Variants in TMEM38B observed in about 807,000 individuals in gnomAD.
TMEM38B encodes the protein trimeric intracellular cation channel type B.
In TMEM38B, 24 loss-of-function variants were observed where a neutral mutation model predicts 28.7. The observed-to-expected ratio is 0.84, with a 90% CI of 0.61 to 1.18. The LOEUF is 1.18. TMEM38B is among the 50% of genes most tolerant of loss of function. The pLI is 0.00. For synonymous variants in TMEM38B, 131 were observed against 127.7 expected, an observed-to-expected ratio of 1.03 and a Z score of -0.17; for missense variants, 380 against 350.9, an observed-to-expected ratio of 1.08 and a Z score of -0.66.
At chr9:105,724,911 A>G (rs1035674628) in intron 4 of TMEM38B, among the ~76,000 whole-genome samples, 3 of 152,132 alleles carry the variant, frequency 2.0e-5, no homozygotes, top group Non-Finnish European at 4.4e-5. Flanking sequence ...TACTTTGTTC[A>G]GAAACCTTGC....
chr9:105,705,986 C>T (rs905837288), intron 2 of TMEM38B, among the ~76,000 whole-genome samples: 3 of 151,696 alleles, frequency 2.0e-5, no homozygotes, highest in Non-Finnish European at 4.4e-5. Flanking sequence ...CTGCAACCTC[C>T]ACCTCCTGGG....
chr9:105,731,124 TCTTG>T (rs1349765523), intron 4 of TMEM38B, among the ~76,000 whole-genome samples: 4 of 152,056 alleles, frequency 2.6e-5, no homozygotes, highest in African/African-American at 9.7e-5. Flanking sequence ...ATGTGTTTGC[TCTTG>T]CTTCTCTAAT....
chr9:105,749,695 C>T (rs1181406026), intron 5 of TMEM38B, among the ~76,000 whole-genome samples: 2 of 152,168 alleles, frequency 1.3e-5, no homozygotes, highest in Non-Finnish European at 2.9e-5. Context: ...AAAGAAACAT[C>T]GTATTCTTTA....
At chr9:105,741,428 T>A (rs147854360) in intron 4 of TMEM38B, among the ~76,000 whole-genome samples, 1 of 152,318 alleles carries the variant, frequency 6.6e-6, no homozygotes, top group Non-Finnish European at 1.5e-5. Flanking sequence ...GAGGAGCATA[T>A]TAGAGCCTAT....
In TMEM38B at chr9:105,710,675, T is replaced by G. The variant is rs377201817; in HGVS notation, c.269+4922T>G. 5.7e-6 allele frequency: 4 copies of G among 702,172 alleles called. No homozygotes were observed. In the Admixed American group the frequency reaches 7.1e-5, roughly 12 times the overall value. The allele number at this position is 702,172 out of a possible 1,614,324, so 43.5% of individuals were successfully genotyped here. On this transcript the variant is annotated intron_variant, in intron 2 of 5. Transcript: ENST00000374692. The stretch of plus-strand genomic sequence containing the variant: ...TCAAGTGGAACATACACATCAACTA[T>G]AGGATCATAACGACCAAATTCACAC...
intron 4 of TMEM38B, among the ~76,000 whole-genome samples, chr9:105,736,951 C>T (rs999780124): frequency 1.3e-5 from 2 of 152,152 alleles, no homozygotes; most frequent in Admixed American, 1.3e-4. Context: ...TTGTTAGGAT[C>T]CTCAGTTGCA....
At chr9:105,753,945 G>A (rs1837744580) in intron 5 of TMEM38B, among the ~76,000 whole-genome samples, 1 of 152,072 alleles carries the variant, frequency 6.6e-6, no homozygotes, top group African/African-American at 2.4e-5. Flanking sequence ...GACACACATA[G>A]GCTCAAAATA....
chr9:105,764,245 G>A (rs1838176108), intron 5 of TMEM38B, among the ~76,000 whole-genome samples: 1 of 152,178 alleles, frequency 6.6e-6, no homozygotes, highest in African/African-American at 2.4e-5. Context: ...AATTAAGCAG[G>A]AGAAGGAAAT....
At chr9:105,761,404 A>G (rs1177874994) in intron 5 of TMEM38B, among the ~76,000 whole-genome samples, 1 of 152,194 alleles carries the variant, frequency 6.6e-6, no homozygotes, top group East Asian at 1.9e-4. Flanking sequence ...TGCATAATCT[A>G]TTAGAAGATG....
At chr9:105,727,952 T>C (rs1836578862) in intron 4 of TMEM38B, among the ~76,000 whole-genome samples, 3 of 152,184 alleles carry the variant, frequency 2.0e-5, no homozygotes, top group Admixed American at 2.0e-4. Context: ...CCTTTTTGCC[T>C]TCTGCCATGA....
chr9:105,705,543 CTTGT>C, intron 1 of TMEM38B, 50 bp from the exon 2 acceptor site: 1 of 1,508,970 alleles, frequency 6.6e-7, no homozygotes, highest in Non-Finnish European at 8.9e-7. Context: ...TACTTTGGGG[CTTGT>C]TTAATAAATG....
chr9:105,757,341 T>G (rs1379132081), intron 5 of TMEM38B, among the ~76,000 whole-genome samples: 2 of 152,310 alleles, frequency 1.3e-5, no homozygotes, highest in Admixed American at 6.5e-5. Flanking sequence ...GTTCCATATT[T>G]TTGCAATTGC....
At chr9:105,717,009 G>T (rs532429311) in intron 2 of TMEM38B, among the ~76,000 whole-genome samples, 20 of 152,222 alleles carry the variant, frequency 1.3e-4, no homozygotes, top group East Asian at 1.9e-4. Flanking sequence ...ATTGCATAGG[G>T]GTTGGCATCC....
chr9:105,729,710 T>G (rs1172040269), intron 4 of TMEM38B, among the ~76,000 whole-genome samples: 1 of 152,230 alleles, frequency 6.6e-6, no homozygotes, highest in Non-Finnish European at 1.5e-5. Context: ...TTCCTACCCA[T>G]GAGCAAGGAA....
chr9:105,768,395 AT>A, intron 5 of TMEM38B, among the ~76,000 whole-genome samples: 1 of 151,856 alleles, frequency 6.6e-6, no homozygotes, highest in South Asian at 2.1e-4. Flanking sequence ...TTTCTCTGTA[AT>A]TTTTTTCTCC....
rs747975646 is a variant in TMEM38B at position 105,694,670 on chromosome 9, C to G, written c.10C>G (p.Pro4Ala). The part of the protein sequence containing the change: MDS[P>A]WDELALAFSR... ...GCGGTCGGTGGTCGTTATGGATTCT[C>G]CATGGGACGAGTTGGCTCTGGCCTT... Residue 4 changes from proline (P) to alanine (A), a missense_variant, in exon 1 of 6, where the codon CCA (proline) becomes GCA (alanine). Physicochemically the swap from Pro to Ala is conservative, Grantham distance 27 (BLOSUM62 -1). Coordinates refer to ENST00000374692, the MANE Select transcript of TMEM38B (RefSeq NM_018112.3). 1 of 1,613,716 alleles carries G rather than the reference C, an allele frequency of 6.2e-7. No individual in the cohort carries two copies. Among genetic ancestry groups the G allele is most frequent in the Non-Finnish European group, 8.5e-7 (1 of 1,179,726 alleles).
At position 105,767,675 on chromosome 9, in the gene TMEM38B, G is replaced by A. The variant is rs1422118161; in HGVS notation, c.661-6190G>A. Among the ~76,000 whole-genome samples the A allele has an allele frequency of 3.9e-5, 6 of 152,218 alleles. No homozygotes were observed. The East Asian group carries it at 1.2e-3, about 29-fold the overall frequency. ...TTGTTAAATTTAAATTTATCCTGAA[G>A]TAGTTCATATTTTTGGATGCCTTTA... On this transcript the variant is annotated intron_variant, in intron 5 of 5. Coordinates refer to ENST00000374692, the MANE Select transcript of TMEM38B (RefSeq NM_018112.3).
intron 5 of TMEM38B, chr9:105,759,997 A>G: frequency 1.3e-6 from 2 of 1,486,844 alleles, no homozygotes; most frequent in Non-Finnish European, 9.3e-7. Flanking sequence ...TGCTGCAATC[A>G]ATAAAAGACT....
chr9:105,715,024 C>G (rs1344493463), intron 2 of TMEM38B, among the ~76,000 whole-genome samples: 1 of 152,096 alleles, frequency 6.6e-6, no homozygotes, highest in African/African-American at 2.4e-5. Flanking sequence ...TATATATCTC[C>G]TTTCTTCCAC....
Sources: gnomAD v4.1 joint callset for allele counts (sites outside exome capture counted in the v4.1 genomes callset) on GRCh38, gnomAD v4.1.1 for gene constraint, MANE v1.5 for transcripts, NCBI Gene and HGNC (gene_info 2026-07-23, HGNC 2026-07-21) for gene names.